The following SYNDIG1 variants were observed in gnomAD, a reference collection of about 807,000 sequenced individuals.
SYNDIG1 encodes synapse differentiation inducing 1, also known as synapse differentiation-inducing gene protein 1.
In SYNDIG1, 9 loss-of-function variants were observed where a neutral mutation model predicts 19.4. That is an observed-to-expected ratio of 0.46 (90% CI 0.28 to 0.81). The LOEUF is 0.81. SYNDIG1 is among the 30% of genes least tolerant of loss of function. The probability of loss-of-function intolerance (pLI) is 0.12; values close to 1 mark genes in which losing one functional copy is unlikely to be tolerated. For synonymous variants in SYNDIG1, 141 were observed against 145.9 expected (o/e 0.97, Z 0.24); for missense variants, 311 against 343.3 (o/e 0.91, Z 0.74).
intron 3 of SYNDIG1, among the ~76,000 whole-genome samples, chr20:24,645,945 G>C (rs1237627493): frequency 6.6e-6 from 1 of 152,152 alleles, no homozygotes; most frequent in Non-Finnish European, 1.5e-5. Flanking sequence ...CTTCTCGCCT[G>C]GATAGAAGCC....
intron 3 of SYNDIG1, among the ~76,000 whole-genome samples, chr20:24,610,479 TG>T (rs2058829573): frequency 1.3e-5 from 2 of 152,208 alleles, no homozygotes; most frequent in South Asian, 4.1e-4. Flanking sequence ...TCAGCCAGAA[TG>T]AATGTACTAT....
intron 1 of SYNDIG1, among the ~76,000 whole-genome samples, chr20:24,472,683 T>G (rs192714691): frequency 1.6e-4 from 25 of 152,324 alleles, no homozygotes; most frequent in Non-Finnish European, 3.4e-4. Context: ...TGATATTCAC[T>G]GTGACTTCTA....
At chr20:24,471,118 T>C (rs2055435753) in intron 1 of SYNDIG1, among the ~76,000 whole-genome samples, 1 of 152,194 alleles carries the variant, frequency 6.6e-6, no homozygotes, top group African/African-American at 2.4e-5. Flanking sequence ...GTGGTGTGTG[T>C]GCTGCGTAGA....
intron 1 of SYNDIG1, among the ~76,000 whole-genome samples, chr20:24,507,175 C>T (rs2056613780): frequency 6.6e-6 from 1 of 152,184 alleles, no homozygotes; most frequent in East Asian, 1.9e-4. Flanking sequence ...GGTGGTCCAT[C>T]CTCCACCTCT....
At chr20:24,624,232 G>A (rs1395426250) in intron 3 of SYNDIG1, among the ~76,000 whole-genome samples, 1 of 147,482 alleles carries the variant, frequency 6.8e-6, no homozygotes, top group African/African-American at 2.5e-5. Flanking sequence ...ATCCAGCCCG[G>A]GTGACAGAAT....
chr20:24,574,390 G>A (rs1449431469), intron 2 of SYNDIG1, among the ~76,000 whole-genome samples: 1 of 152,010 alleles, frequency 6.6e-6, no homozygotes, highest in Non-Finnish European at 1.5e-5. Flanking sequence ...TCAGGAGGCT[G>A]AAGCAGGAGA....
chr20:24,582,851 C>T (rs1173469325), intron 2 of SYNDIG1, among the ~76,000 whole-genome samples: 3 of 152,334 alleles, frequency 2.0e-5, no homozygotes, highest in African/African-American at 4.8e-5. Flanking sequence ...GCAGAGGCAG[C>T]GACTCCTTGA....
At chr20:24,487,027 CG>C (rs1465808838) in intron 1 of SYNDIG1, among the ~76,000 whole-genome samples, 2 of 147,000 alleles carry the variant, frequency 1.4e-5, no homozygotes, top group Non-Finnish European at 3.0e-5. Flanking sequence ...TTTGAGCAGC[CG>C]GGGAATCACG....
At chr20:24,531,640 A>AAC (rs1343433650) in intron 1 of SYNDIG1, among the ~76,000 whole-genome samples, 1 of 151,706 alleles carries the variant, frequency 6.6e-6, no homozygotes, top group Non-Finnish European at 1.5e-5. Flanking sequence ...TGAAAAAAAA[A>AAC]ATGCTACCTG....
intron 1 of SYNDIG1, among the ~76,000 whole-genome samples, chr20:24,474,191 T>A (rs2055551809): frequency 6.6e-6 from 1 of 152,242 alleles, no homozygotes; most frequent in African/African-American, 2.4e-5. Context: ...ATGCATTCTC[T>A]AAGATGGAAA....
intron 1 of SYNDIG1, among the ~76,000 whole-genome samples, chr20:24,513,143 G>A (rs1281872278): frequency 6.6e-6 from 1 of 152,098 alleles, no homozygotes; most frequent in African/African-American, 2.4e-5. Context: ...CATCATCAAA[G>A]AACAAAGGTA....
intron 3 of SYNDIG1, among the ~76,000 whole-genome samples, chr20:24,586,774 T>C (rs555264202): frequency 1.8e-4 from 27 of 152,274 alleles, no homozygotes; most frequent in Non-Finnish European, 2.1e-4. Flanking sequence ...AAGCCCTGGA[T>C]AGATGGCAAG....
At chr20:24,491,094 A>C (rs991381264) in intron 1 of SYNDIG1, among the ~76,000 whole-genome samples, 2 of 152,282 alleles carry the variant, frequency 1.3e-5, no homozygotes, top group African/African-American at 2.4e-5. Context: ...GGCGTGCAAT[A>C]ACCCTTATGG....
At position 24,665,696 on chromosome 20, in the gene SYNDIG1, G is replaced by C; in HGVS notation, c.*192G>C. ...GTTCACAGCACTGTGTAGAGCACCA[G>C]ACAGACGGGCACTGCTAATCCTTCC... On this transcript the variant is annotated 3_prime_UTR_variant, in exon 4 of 4. Coordinates refer to ENST00000376862, the MANE Select transcript of SYNDIG1 (RefSeq NM_024893.3). The C allele has an allele frequency of 1.5e-6, 1 of 681,422 alleles. No homozygotes were observed. The highest frequency in any genetic ancestry group is 2.3e-6 in the Non-Finnish European group (1 of 443,234). 42.2% of individuals were successfully genotyped at this position (681,422 alleles called of 1,614,324 possible).
chr20:24,627,062 C>G (rs569287398), intron 3 of SYNDIG1, among the ~76,000 whole-genome samples: 1 of 147,320 alleles, frequency 6.8e-6, no homozygotes, highest in South Asian at 2.2e-4. Context: ...AGAGGGAGAC[C>G]GTGGAAAGAG....
chr20:24,634,637 A>AT (rs912984794), intron 3 of SYNDIG1, among the ~76,000 whole-genome samples: 3 of 151,820 alleles, frequency 2.0e-5, no homozygotes, highest in Non-Finnish European at 4.4e-5. Context: ...TATGTGTGTT[A>AT]TTTTTTTTCC....
At chr20:24,553,523 A>T (rs530954859) in intron 2 of SYNDIG1, among the ~76,000 whole-genome samples, 2 of 152,316 alleles carry the variant, frequency 1.3e-5, no homozygotes, top group East Asian at 3.9e-4. Flanking sequence ...TCAGCTTTCT[A>T]CATATGGCTA....
chr20:24,585,199 G>A (rs576839822), intron 3 of SYNDIG1, among the ~76,000 whole-genome samples: 16 of 152,232 alleles, frequency 1.1e-4, no homozygotes, highest in African/African-American at 3.9e-4. Flanking sequence ...CCTCACCCCA[G>A]ATGCAGCTGT....
At chr20:24,470,599 T>A (rs890869632) in intron 1 of SYNDIG1, among the ~76,000 whole-genome samples, 1 of 152,178 alleles carries the variant, frequency 6.6e-6, no homozygotes, top group African/African-American at 2.4e-5. Context: ...GAGGAAGGAA[T>A]GGCTCACTGG....
Sources: allele counts gnomAD v4.1 joint callset (sites outside exome capture counted in the v4.1 genomes callset), GRCh38; gene constraint gnomAD v4.1.1; transcripts MANE v1.5; gene names NCBI Gene and HGNC (gene_info 2026-07-23, HGNC 2026-07-21).